Variants in CDX1 observed in about 807,000 individuals in gnomAD.
The protein encoded by CDX1 is homeobox protein CDX-1.
A neutral mutation model predicts 16.9 loss-of-function variants in CDX1; 9 were observed. The ratio of observed to expected loss-of-function variants is 0.53; its 90% CI spans 0.32 to 0.93. The LOEUF (loss-of-function observed/expected upper bound fraction) is 0.93. Among genes scored for constraint, CDX1 ranks in the 40% least tolerant of loss-of-function variants. The pLI, the probability that CDX1 is intolerant of heterozygous loss-of-function variation, is 0.04. For synonymous variants in CDX1, 179 were observed against 179.0 expected (o/e 1.00, Z 0.00); for missense variants, 393 against 386.1 (o/e 1.02, Z -0.15).
intron 1 of CDX1, among the ~76,000 whole-genome samples, chr5:150,174,776 C>CT (rs5872160): frequency 0.34 from 48,881 of 142,564 alleles, 8,392 homozygotes; most frequent in East Asian, 0.46. Context: ...TCTCTCCTGC[C>CT]TTTTTTTTTT....
intron 1 of CDX1, among the ~76,000 whole-genome samples, chr5:150,177,869 A>G (rs1562057536): frequency 6.6e-6 from 1 of 152,054 alleles, no homozygotes; most frequent in Non-Finnish European, 1.5e-5. Context: ...GCCCCGAGAC[A>G]CCTCTGGAGT....
Position 150,167,221 on chromosome 5 carries a change from C to G in CDX1, c.345C>G (p.Pro115=), listed in dbSNP as rs531640824. 15 of 1,261,368 alleles carry G rather than the reference C, an allele frequency of 1.2e-5. No homozygotes were observed. Among genetic ancestry groups the G allele is most frequent in the Non-Finnish European group, 1.5e-5 (15 of 1,008,156 alleles). The allele number at this position is 1,261,368 out of a possible 1,614,324, so 78.1% of individuals were successfully genotyped here. The part of the protein sequence containing the change: ...PGPGPGLLAQ[P]LGGPGTPSSP... ...CCGGCCCGGGCCTCCTGGCGCAGCC[C>G]CTCGGGGGCCCGGGCACACCGTCCT... The change falls in exon 1 of 3, where the codon CCC becomes CCG. Residue 115 remains proline, a synonymous_variant. Transcript: ENST00000231656.
intron 1 of CDX1, among the ~76,000 whole-genome samples, chr5:150,175,457 G>T (rs1386692610): frequency 1.3e-5 from 2 of 152,202 alleles, no homozygotes; most frequent in African/African-American, 2.4e-5. Context: ...CTCTAACTAG[G>T]AAGGAGGGTG....
In CDX1 at chr5:150,173,371, T is replaced by C. The variant is rs924503066; in HGVS notation, c.445+6050T>C. 3.9e-5 allele frequency among the ~76,000 whole-genome samples: 6 copies of C among 152,302 alleles called. No homozygotes were observed. In the East Asian group the frequency reaches 1.2e-3, roughly 29 times the overall value. On this transcript the variant is annotated intron_variant, in intron 1 of 2. Transcript: ENST00000231656. ...TGCCCTCACTCTGCTCCTCCCTGCC[T>C]GGGGGCCTTTGTACCTACTGCTCAC...
In CDX1 at chr5:150,175,317, T is replaced by A. The variant is rs576510513; in HGVS notation, c.446-7451T>A. Reference sequence around the variant, plus strand: ...TGGGGGAGAGCCACCGGTCTCTGTCTGACTCTAAAGTCCCTTCCTCTTTGT... The same window carrying A: ...TGGGGGAGAGCCACCGGTCTCTGTCAGACTCTAAAGTCCCTTCCTCTTTGT... On this transcript the variant is annotated intron_variant, in intron 1 of 2. Coordinates refer to ENST00000231656, the MANE Select transcript of CDX1 (RefSeq NM_001804.3). 3.6e-4 allele frequency among the ~76,000 whole-genome samples: 55 copies of A among 152,366 alleles called. No homozygotes were observed. In the South Asian group the frequency reaches 0.011, roughly 32 times the overall value.
rs760785892 is a variant in CDX1 at position 150,166,909 on chromosome 5, G to T, written c.33G>T (p.Ser11=). MYVGYVLDKD[S]PVYPGPARPA... is the part of the protein sequence containing the mutation. ...TGGGCTATGTGCTGGACAAGGATTC[G>T]CCCGTGTACCCCGGCCCAGCCAGGC... is the stretch of plus-strand genomic sequence containing the variant. The change falls in exon 1 of 3, where the codon TCG becomes TCT. Residue 11 remains serine (S), a synonymous_variant. Transcript: ENST00000231656. 9 of 1,517,594 alleles carry T rather than the reference G, an allele frequency of 5.9e-6. No homozygotes were observed. The highest frequency in any genetic ancestry group is 7.9e-6 in the Non-Finnish European group (9 of 1,138,720). The allele number at this position is 1,517,594 out of a possible 1,614,324, so 94.0% of individuals were successfully genotyped here.
intron 1 of CDX1, among the ~76,000 whole-genome samples, chr5:150,172,859 T>C (rs1460421952): frequency 6.6e-6 from 1 of 152,214 alleles, no homozygotes; most frequent in Non-Finnish European, 1.5e-5. Context: ...TGGGGAATCA[T>C]TGTGAAGGTC....
Position 150,167,122 on chromosome 5 carries a change from C to T in CDX1, c.246C>T (p.Ala82=). 7.5e-7 allele frequency: 1 copy of T among 1,334,804 alleles called. No homozygotes were observed. The highest frequency in any genetic ancestry group is 3.2e-5 in the East Asian group (1 of 31,648). 82.7% of individuals were successfully genotyped at this position (1,334,804 alleles called of 1,614,324 possible). The change falls in exon 1 of 3, where the codon GCC becomes GCT. Residue 82 remains alanine (A), a synonymous_variant. Transcript: ENST00000231656. The part of the protein sequence containing the change: ...WAAAYGPGPA[A]PAASPASLAF... ...CCGCCTACGGCCCGGGCCCCGCGGC[C>T]CCTGCCGCCAGCCCAGCTTCGCTGG...
At chr5:150,178,895 T>A (rs867182812) in intron 1 of CDX1, among the ~76,000 whole-genome samples, 2 of 152,136 alleles carry the variant, frequency 1.3e-5, no homozygotes, top group Non-Finnish European at 2.9e-5. Context: ...CTGGGATATA[T>A]GGGGTTTTGA....
chr5:150,172,585 AC>A (rs963518501), intron 1 of CDX1, among the ~76,000 whole-genome samples: 5 of 145,674 alleles, frequency 3.4e-5, no homozygotes, highest in Admixed American at 2.1e-4. Context: ...GGAGCCTGAG[AC>A]CCCCCCTTCC....
chr5:150,176,413 C>T (rs1336201792), intron 1 of CDX1, among the ~76,000 whole-genome samples: 1 of 152,234 alleles, frequency 6.6e-6, no homozygotes, highest in African/African-American at 2.4e-5. Context: ...GCCAAAAGCC[C>T]TATGCCCTTC....
chr5:150,182,707 G>A (rs967559615), intron 1 of CDX1, 61 bp from the exon 2 acceptor site: 10 of 1,484,130 alleles, frequency 6.7e-6, no homozygotes, highest in East Asian at 2.5e-5. Flanking sequence ...TCCTGCCTGG[G>A]CCTTTTTTGT....
At chr5:150,169,758 C>G (rs1201238399) in intron 1 of CDX1, among the ~76,000 whole-genome samples, 2 of 152,190 alleles carry the variant, frequency 1.3e-5, no homozygotes, top group Non-Finnish European at 2.9e-5. Context: ...GCCACCAGGT[C>G]TTCAGCCTGC....
chr5:150,173,663 GTTA>G (rs1761534417), intron 1 of CDX1, among the ~76,000 whole-genome samples: 1 of 152,244 alleles, frequency 6.6e-6, no homozygotes, highest in South Asian at 2.1e-4. Flanking sequence ...GTACTAAGCA[GTTA>G]TTATGGTAAT....
rs1554112938 is a variant in CDX1 at position 150,166,968 on chromosome 5, G to GC, written c.98dup (p.Ala34GlyfsTer66). Reference sequence around the variant, plus strand: ...CTCGGCCTGGGCCCGCAAGCCTACGGCCCCCCGGCCCCGCCCCCGGCGCCC... The same window carrying GC: ...CTCGGCCTGGGCCCGCAAGCCTACGGCCCCCCCGGCCCCGCCCCCGGCGCCC... On this transcript the variant is annotated frameshift_variant, in exon 1 of 3. Coordinates refer to ENST00000231656, the MANE Select transcript of CDX1 (RefSeq NM_001804.3). LOFTEE classifies it high-confidence loss of function. The GC allele has an allele frequency of 4.1e-6, 6 of 1,458,054 alleles. No individual in the cohort carries two copies. The highest frequency in any genetic ancestry group is 2.6e-5 in the Admixed American group (1 of 38,568). The allele number at this position is 1,458,054 out of a possible 1,614,324, so 90.3% of individuals were successfully genotyped here.
In CDX1 at chr5:150,183,775, C is replaced by G. The variant is rs1008905630; in HGVS notation, c.*95C>G. 11 of 1,036,502 alleles carry G rather than the reference C, an allele frequency of 1.1e-5. No individual in the cohort carries two copies. The highest frequency in any genetic ancestry group is 1.5e-5 in the Non-Finnish European group (11 of 733,940). The allele number at this position is 1,036,502 out of a possible 1,614,324, so 64.2% of individuals were successfully genotyped here. On this transcript the variant is annotated 3_prime_UTR_variant, in exon 3 of 3. Transcript: ENST00000231656. ...AGGAGGTCTGGTCCGAGTCTCAGCC[C>G]TGACCTTCTGGGACATGGTGGACAG...
chr5:150,167,937 G>A (rs1371071792), intron 1 of CDX1, among the ~76,000 whole-genome samples: 1 of 152,212 alleles, frequency 6.6e-6, no homozygotes, highest in Non-Finnish European at 1.5e-5. Context: ...GGAGCAGTGG[G>A]AAGGGGGGCT....
chr5:150,183,398 C>A, intron 2 of CDX1, 76 bp from the exon 3 acceptor site: 1 of 1,326,726 alleles, frequency 7.5e-7, no homozygotes, highest in Non-Finnish European at 1.0e-6. Flanking sequence ...GCTCACTGTC[C>A]TCGTCTCTCC....
intron 1 of CDX1, among the ~76,000 whole-genome samples, chr5:150,168,301 G>A (rs1004885848): frequency 3.9e-5 from 6 of 152,112 alleles, no homozygotes; most frequent in African/African-American, 1.4e-4. Context: ...CCACCTCCTC[G>A]CACTCTTCAC....
Sources: allele counts gnomAD v4.1 joint callset (sites outside exome capture counted in the v4.1 genomes callset), GRCh38; gene constraint gnomAD v4.1.1; transcripts MANE v1.5; gene names NCBI Gene and HGNC (gene_info 2026-07-23, HGNC 2026-07-21).